The following PDK3 variants were observed in gnomAD, a reference collection of about 807,000 sequenced individuals.
PDK3 encodes the protein pyruvate dehydrogenase kinase, isozyme 3.
Under a neutral mutation model 32.0 loss-of-function variants are expected in PDK3, and 12 were observed. The observed-to-expected ratio is 0.37, with a 90% CI of 0.24 to 0.61. PDK3 has a LOEUF of 0.61. Ranked by LOEUF, PDK3 falls within the 20% of genes least tolerant of loss-of-function variation. PDK3 has a pLI of 0.65. For synonymous variants in PDK3, 122 were observed against 116.3 expected (o/e 1.05, Z -0.31); for missense variants, 188 against 316.9 (o/e 0.59, Z 3.09).
chrX:24,470,776 A>G (rs1370781869), intron 1 of PDK3, among the ~76,000 whole-genome samples: 3 of 109,346 alleles, frequency 2.7e-5, no homozygotes, highest in Non-Finnish European at 5.7e-5. Context: ...GATAGCTGAG[A>G]TAGTTGTCAC....
At chrX:24,529,704 A>C (rs1922603077) in intron 9 of PDK3, among the ~76,000 whole-genome samples, 1 of 107,041 alleles carries the variant, frequency 9.3e-6, no homozygotes, top group African/African-American at 3.4e-5. Flanking sequence ...GATTGCAGTG[A>C]GCCTATATCA....
chrX:24,504,300 A>T (rs1175902398), intron 4 of PDK3, among the ~76,000 whole-genome samples: 1 of 112,395 alleles, frequency 8.9e-6, no homozygotes, highest in African/African-American at 3.2e-5. Context: ...ATGGAAATGT[A>T]TGACAATTTA....
intron 1 of PDK3, among the ~76,000 whole-genome samples, chrX:24,493,527 C>G (rs1334818760): frequency 1.8e-5 from 2 of 111,363 alleles, no homozygotes; most frequent in Non-Finnish European, 3.8e-5. Context: ...CTGCTCGTCT[C>G]TCTCTGGGCC....
At chrX:24,539,454 A>G in exon 12 of PDK3, 1 of 274,836 alleles carries the variant, frequency 3.6e-6, no homozygotes, top group Admixed American at 6.0e-5. Flanking sequence ...CGTACTCTCC[A>G]TCTTGTTATC....
chrX:24,502,919 C>T (rs1255636636), intron 3 of PDK3, among the ~76,000 whole-genome samples: 1 of 112,162 alleles, frequency 8.9e-6, no homozygotes, highest in African/African-American at 3.2e-5. Context: ...TTTGAGATTG[C>T]TTTAATCAGT....
intron 1 of PDK3, among the ~76,000 whole-genome samples, chrX:24,486,958 G>A (rs1256186499): frequency 8.9e-6 from 1 of 111,890 alleles, no homozygotes; most frequent in Non-Finnish European, 1.9e-5. Flanking sequence ...CTGGCCTAGA[G>A]TGGAGGCAGC....
intron 5 of PDK3, among the ~76,000 whole-genome samples, chrX:24,511,552 G>A (rs191843060): frequency 9.0e-6 from 1 of 111,473 alleles, no homozygotes; most frequent in East Asian, 2.8e-4. Flanking sequence ...TGTTTTATAG[G>A]TTTAATAAGT....
intron 5 of PDK3, among the ~76,000 whole-genome samples, chrX:24,507,694 A>AT (rs762302010): frequency 4.9e-4 from 55 of 112,459 alleles, no homozygotes; most frequent in Middle Eastern, 4.7e-3. Context: ...ATTATAAAAT[A>AT]TTTTTTAAAG....
intron 1 of PDK3, among the ~76,000 whole-genome samples, chrX:24,493,349 GA>G (rs113203131): frequency 0.47 from 51,625 of 109,769 alleles, 9,230 homozygotes; most frequent in African/African-American, 0.65. Context: ...TTACTTTCTA[GA>G]TTAGGTTCTT....
downstream of PDK3, among the ~76,000 whole-genome samples, chrX:24,537,243 A>G (rs1192061699): frequency 9.7e-6 from 1 of 103,532 alleles, no homozygotes; most frequent in African/African-American, 3.5e-5. Flanking sequence ...CAGCCTCCCA[A>G]GTAGCTGGGA....
At chrX:24,538,026 G>A (rs962663888), downstream of PDK3, among the ~76,000 whole-genome samples, 2 of 112,271 alleles carry the variant, frequency 1.8e-5, no homozygotes, top group Admixed American at 9.4e-5. Flanking sequence ...GTTGAGCATC[G>A]ATGTGACCAG....
chrX:24,497,257 C>T (rs1921737749), intron 2 of PDK3, among the ~76,000 whole-genome samples: 1 of 111,354 alleles, frequency 9.0e-6, no homozygotes, highest in Non-Finnish European at 1.9e-5. Flanking sequence ...AATCCATAGC[C>T]TTATATGCCC....
chrX:24,524,500 A>G (rs1345093590), intron 6 of PDK3, among the ~76,000 whole-genome samples: 1 of 111,848 alleles, frequency 8.9e-6, no homozygotes, highest in Non-Finnish European at 1.9e-5. Context: ...ATTTCATGTT[A>G]AGGCTGGGAA....
intron 6 of PDK3, among the ~76,000 whole-genome samples, chrX:24,524,002 A>G (rs1922462600): frequency 8.9e-6 from 1 of 112,402 alleles, no homozygotes; most frequent in Non-Finnish European, 1.9e-5. Flanking sequence ...TATCAGCTCT[A>G]CTGTTACTGC....
At chrX:24,502,896 T>C (rs1007526837) in intron 3 of PDK3, among the ~76,000 whole-genome samples, 1 of 112,041 alleles carries the variant, frequency 8.9e-6, no homozygotes, top group African/African-American at 3.2e-5. Context: ...TCTTTATTCA[T>C]GGAAGCTATT....
At chrX:24,517,855 C>G (rs1387703505) in intron 5 of PDK3, among the ~76,000 whole-genome samples, 1 of 111,989 alleles carries the variant, frequency 8.9e-6, no homozygotes, top group East Asian at 2.8e-4. Flanking sequence ...ACTCAAAGGA[C>G]CTTTTAAAGT....
chrX:24,492,906 A>G (rs1430277732), intron 1 of PDK3, among the ~76,000 whole-genome samples: 1 of 108,905 alleles, frequency 9.2e-6, no homozygotes, highest in Non-Finnish European at 1.9e-5. Context: ...AGGCCGAGGC[A>G]GGAGAATCAC....
intron 1 of PDK3, among the ~76,000 whole-genome samples, chrX:24,483,621 A>G (rs1368002727): frequency 8.9e-6 from 1 of 112,126 alleles, no homozygotes; most frequent in South Asian, 3.7e-4. Context: ...TTACCTGCAA[A>G]TGTTATCTTG....
chrX:24,490,186 C>T (rs1408595637), intron 1 of PDK3, among the ~76,000 whole-genome samples: 2 of 111,739 alleles, frequency 1.8e-5, no homozygotes, highest in African/African-American at 6.5e-5. Flanking sequence ...CCACATTGCC[C>T]AGGCTGGTCT....
Sources: gnomAD v4.1 joint callset for allele counts (sites outside exome capture counted in the v4.1 genomes callset) on GRCh38, gnomAD v4.1.1 for gene constraint, MANE v1.5 for transcripts, NCBI Gene and HGNC (gene_info 2026-07-23, HGNC 2026-07-21) for gene names.